The following SNX29 variants were observed in gnomAD, a reference collection of about 807,000 sequenced individuals.
SNX29 encodes sorting nexin-29.
A neutral mutation model predicts 102.1 loss-of-function variants in SNX29; 78 were observed. The ratio of observed to expected loss-of-function variants is 0.76; its 90% CI spans 0.64 to 0.92. The LOEUF is 0.92. SNX29 is among the 40% of genes least tolerant of loss of function. The probability of loss-of-function intolerance (pLI) is 0.00; values close to 1 mark genes in which losing one functional copy is unlikely to be tolerated. For missense variants in SNX29, 1,280 were observed against 1,061.7 expected (o/e 1.21, Z -2.86); for synonymous variants, 580 against 414.5 (o/e 1.40, Z -4.85).
intron 10 of SNX29, among the ~76,000 whole-genome samples, chr16:12,073,324 C>A (rs1417097699): frequency 1.3e-5 from 2 of 151,922 alleles, no homozygotes; most frequent in Non-Finnish European, 2.9e-5. Context: ...TATAAATTTC[C>A]CTCTACACAC....
At position 12,337,069 on chromosome 16, in the gene SNX29, A is replaced by G. The variant is rs1284371568; in HGVS notation, c.1783-19094A>G. Among the ~76,000 whole-genome samples the G allele has an allele frequency of 2.6e-5, 4 of 152,258 alleles. 1 individual carries two copies. The Middle Eastern group carries it at 0.01, about 388-fold the overall frequency. ...ATGTTTTCTCAGTTTGATCTTAACC[A>G]TCTTGGGCAGCAGGTAGTGCTAAAC... On this transcript the variant is annotated intron_variant, in intron 15 of 20. Coordinates refer to ENST00000566228, the MANE Select transcript of SNX29 (RefSeq NM_032167.5).
chr16:12,427,256 G>C (rs2085118382), intron 18 of SNX29, among the ~76,000 whole-genome samples: 1 of 151,800 alleles, frequency 6.6e-6, no homozygotes, highest in Non-Finnish European at 1.5e-5. Flanking sequence ...TCATCTTCCA[G>C]GTTTGTTTGT....
At chr16:12,313,610 C>T (rs1320489523) in intron 15 of SNX29, among the ~76,000 whole-genome samples, 5 of 152,156 alleles carry the variant, frequency 3.3e-5, no homozygotes, top group African/African-American at 4.8e-5. Flanking sequence ...GCTCTGAATT[C>T]GGTGGTTCTT....
At chr16:12,346,572 T>C (rs1304395708) in intron 15 of SNX29, among the ~76,000 whole-genome samples, 1 of 152,128 alleles carries the variant, frequency 6.6e-6, no homozygotes, top group South Asian at 2.1e-4. Context: ...CCCGTACTGC[T>C]CTCACAGGAC....
intron 13 of SNX29, among the ~76,000 whole-genome samples, chr16:12,153,224 C>A (rs1040961397): frequency 6.6e-6 from 1 of 152,144 alleles, no homozygotes; most frequent in African/African-American, 2.4e-5. Flanking sequence ...GATTGTGCCA[C>A]TGCACTCCAG....
chr16:12,250,832 AC>A (rs759334770), intron 14 of SNX29, among the ~76,000 whole-genome samples: 9,154 of 152,214 alleles, frequency 0.06, 791 homozygotes, highest in African/African-American at 0.19. Flanking sequence ...TAGAAGAGCG[AC>A]TGGGCTGGTG....
intron 18 of SNX29, among the ~76,000 whole-genome samples, chr16:12,455,380 A>G (rs752902743): frequency 2.0e-4 from 31 of 151,958 alleles, no homozygotes; most frequent in Non-Finnish European, 3.4e-4. Context: ...TCAGCCACAC[A>G]CCAGGCAAGC....
At chr16:12,185,209 C>T (rs982709250) in intron 13 of SNX29, among the ~76,000 whole-genome samples, 4 of 152,012 alleles carry the variant, frequency 2.6e-5, no homozygotes, top group African/African-American at 4.8e-5. Flanking sequence ...AGGTAGATAA[C>T]GGAAGTGAAT....
intron 16 of SNX29, among the ~76,000 whole-genome samples, chr16:12,391,461 G>C (rs949606167): frequency 6.6e-6 from 1 of 152,128 alleles, no homozygotes; most frequent in Non-Finnish European, 1.5e-5. Context: ...CGTTCTTCCA[G>C]CATGGTGGAA....
chr16:12,336,435 G>C (rs919134355), intron 15 of SNX29, among the ~76,000 whole-genome samples: 1 of 152,194 alleles, frequency 6.6e-6, no homozygotes, highest in Non-Finnish European at 1.5e-5. Context: ...TGGCCTGGAC[G>C]TGTTGGCACG....
At chr16:12,281,032 C>G (rs1467137562) in intron 15 of SNX29, among the ~76,000 whole-genome samples, 2 of 152,180 alleles carry the variant, frequency 1.3e-5, no homozygotes, top group Admixed American at 6.5e-5. Context: ...CTCAGCCTCC[C>G]AAGTAGCTGA....
intron 20 of SNX29, among the ~76,000 whole-genome samples, chr16:12,553,567 T>G (rs1405614418): frequency 6.6e-6 from 1 of 151,798 alleles, no homozygotes; most frequent in Non-Finnish European, 1.5e-5. Flanking sequence ...GCAGGAGCTG[T>G]GGGCTCTGAG....
intron 19 of SNX29, among the ~76,000 whole-genome samples, chr16:12,497,649 G>C (rs1187148077): frequency 6.6e-6 from 1 of 152,132 alleles, no homozygotes; most frequent in Non-Finnish European, 1.5e-5. Context: ...GCTGAGTCTT[G>C]CCTGTTGTAT....
intron 20 of SNX29, among the ~76,000 whole-genome samples, chr16:12,538,729 C>T (rs952060896): frequency 2.0e-5 from 3 of 152,158 alleles, no homozygotes; most frequent in African/African-American, 2.4e-5. Context: ...GGAGCACAGA[C>T]AGGAGAAGCA....
At chr16:12,153,403 C>G (rs956007390) in intron 13 of SNX29, among the ~76,000 whole-genome samples, 16 of 151,990 alleles carry the variant, frequency 1.1e-4, no homozygotes, top group African/African-American at 3.6e-4. Flanking sequence ...TCTGGAGGCC[C>G]CTGGGGAGAT....
intron 19 of SNX29, among the ~76,000 whole-genome samples, chr16:12,512,384 A>G (rs2089665162): frequency 2.0e-5 from 1 of 50,582 alleles, no homozygotes; most frequent in Non-Finnish European, 4.0e-5. Flanking sequence ...ATATATATAT[A>G]TATATATATA....
intron 18 of SNX29, among the ~76,000 whole-genome samples, chr16:12,411,379 C>A (rs1162598152): frequency 2.0e-5 from 3 of 152,158 alleles, no homozygotes; most frequent in African/African-American, 7.2e-5. Context: ...TCCACCCCGG[C>A]GTTCTGAGGA....
In SNX29 at chr16:12,536,757, C is replaced by T. The variant is rs533536565; in HGVS notation, c.2318+11916C>T. Among the ~76,000 whole-genome samples, 73 of 152,264 alleles carry T rather than the reference C, an allele frequency of 4.8e-4. 1 individual carries two copies. Among genetic ancestry groups the T allele is most frequent in the African/African-American group, 1.7e-3 (69 of 41,532 alleles). ...CTTTGGGAGGTCAAGGCAGGCGGATCAGGAGGCCAGGAGTTTCAGACCAGC... is the reference window on the plus strand; with the variant it reads ...CTTTGGGAGGTCAAGGCAGGCGGATTAGGAGGCCAGGAGTTTCAGACCAGC... On this transcript the variant is annotated intron_variant, in intron 20 of 20. Transcript: ENST00000566228.
intron 20 of SNX29, chr16:12,546,558 G>C (rs1325545291): frequency 1.3e-5 from 2 of 152,194 alleles, no homozygotes; most frequent in African/African-American, 4.8e-5. Context: ...GGGAATTCAA[G>C]ATGACACATG....
Sources: gnomAD v4.1 joint callset for allele counts (sites outside exome capture counted in the v4.1 genomes callset) on GRCh38, gnomAD v4.1.1 for gene constraint, MANE v1.5 for transcripts, NCBI Gene and HGNC (gene_info 2026-07-23, HGNC 2026-07-21) for gene names.